The following EPRS1 variants were observed in gnomAD, a reference collection of about 807,000 sequenced individuals.
The protein encoded by EPRS1 is glutamyl-prolyl-tRNA synthetase 1, also known as bifunctional glutamate/proline--tRNA ligase.
Under a neutral mutation model 188.3 loss-of-function variants are expected in EPRS1, and 107 were observed. The observed-to-expected ratio is 0.57, with a 90% confidence interval of 0.49 to 0.67. EPRS1 has a LOEUF of 0.67. Ranked by LOEUF, EPRS1 falls within the 30% of genes least tolerant of loss-of-function variation. The pLI is 0.00. For synonymous variants in EPRS1, 596 were observed against 593.1 expected (o/e 1.00, Z -0.07); for missense variants, 1,577 against 1,802.2 (o/e 0.88, Z 2.26).
At position 220,046,489 on chromosome 1, in the gene EPRS1, A is replaced by C; in HGVS notation, c.-101T>G. 6.5e-7 allele frequency: 1 copy of C among 1,527,476 alleles called. No homozygotes were observed. The highest frequency in any genetic ancestry group is 8.8e-7 in the Non-Finnish European group (1 of 1,136,992). The allele number at this position is 1,527,476 out of a possible 1,614,324, so 94.6% of individuals were successfully genotyped here. ...AAGATGCAACGTGTGCGCGTACCCG[A>C]CGCCGCCGCAGCCTTCGCTCCGCCC... On this transcript the variant is annotated 5_prime_UTR_variant, in exon 1 of 32. Coordinates refer to ENST00000366923, the MANE Select transcript of EPRS1 (RefSeq NM_004446.3).
rs1442608777 is a variant in EPRS1, at chr1:219,984,277, A to C, written c.3039-20T>G. 1 of 1,592,346 alleles carries C rather than the reference A, an allele frequency of 6.3e-7. No homozygotes were observed. On this transcript the variant is annotated intron_variant, in intron 20 of 31. Coordinates refer to ENST00000366923, the MANE Select transcript of EPRS1 (RefSeq NM_004446.3). Reference sequence around the variant, plus strand: ...CCCAACCTGCAGATGTGAAAAGTAAAAGATAAATATCTTCATTCAGCAACT... The same window carrying C: ...CCCAACCTGCAGATGTGAAAAGTAACAGATAAATATCTTCATTCAGCAACT...
intron 18 of EPRS1, among the ~76,000 whole-genome samples, chr1:219,995,185 G>A (rs952937332): frequency 6.6e-6 from 1 of 152,112 alleles, no homozygotes. Flanking sequence ...AATTACCAAA[G>A]AAATTTAGAT....
intron 10 of EPRS1, among the ~76,000 whole-genome samples, chr1:220,019,601 C>G (rs912185282): frequency 1.3e-5 from 2 of 152,202 alleles, no homozygotes; most frequent in African/African-American, 4.8e-5. Context: ...TACATCTTCA[C>G]TTCGATTCAA....
chr1:220,044,136 A>C (rs1271327875), intron 1 of EPRS1, among the ~76,000 whole-genome samples: 3 of 152,206 alleles, frequency 2.0e-5, no homozygotes, highest in South Asian at 2.1e-4. Flanking sequence ...TGAAATTAAC[A>C]TTAAATATAT....
chr1:219,971,940 T>G, intron 30 of EPRS1, 129 bp downstream of exon 30: 1 of 410,208 alleles, frequency 2.4e-6, no homozygotes, highest in Non-Finnish European at 4.4e-6. Context: ...CATATAAATG[T>G]TGAGTAATGT....
At position 220,007,218 on chromosome 1, in the gene EPRS1, T is replaced by G. The variant is rs374062264; in HGVS notation, c.1726A>C (p.Ile576Leu). The G allele has an allele frequency of 2.6e-5, 42 of 1,612,170 alleles. No individual in the cohort carries two copies. Among genetic ancestry groups the G allele is most frequent in the Non-Finnish European group, 3.6e-5 (42 of 1,179,364 alleles). The change falls in exon 14 of 32, where the codon ATT (isoleucine) becomes CTT (leucine). Residue 576 changes from isoleucine to leucine, a missense_variant. Physicochemically the swap from Ile to Leu is conservative, Grantham distance 5 (BLOSUM62 2). Transcript: ENST00000366923. ...AGTTCTTACTTGTGTATTTTTGTAATGTTGAGGTTGCCCCAATTTATAAAT... is the reference window on the plus strand; with the variant it reads ...AGTTCTTACTTGTGTATTTTTGTAAGGTTGAGGTTGCCCCAATTTATAAAT... ...VTFINWGNLN[I>L]TKIHKNADGK...
intron 19 of EPRS1, 143 bp from the exon 20 acceptor site, chr1:219,987,547 T>C: frequency 1.5e-6 from 1 of 667,590 alleles, no homozygotes; most frequent in Non-Finnish European, 2.5e-6. Flanking sequence ...GTGATAAGGT[T>C]TGAGGGAGGC....
rs1479704566 is a variant in EPRS1, at chr1:219,981,431, C to T, written c.3400G>A (p.Val1134Ile). The change falls in exon 24 of 32, where the codon GTA (valine) becomes ATA (isoleucine). Residue 1134 changes from valine to isoleucine, a missense_variant. This residue lies in a region of EPRS1 where 1,278 missense variants were observed against 1,457.4 expected (regional missense o/e 0.88). Coordinates refer to ENST00000366923, the MANE Select transcript of EPRS1 (RefSeq NM_004446.3). ...ATGGGCAGGTCTCTGTGTGACTGTA[C>T]CCATTTTGCATATGCAGGATACATT... is the stretch of plus-strand genomic sequence containing the variant. Reference protein sequence around the residue: ...TVMYPAYAKWVQSHRDLPIKL... With the variant: ...TVMYPAYAKWIQSHRDLPIKL... 6.2e-7 allele frequency: 1 copy of T among 1,605,424 alleles called. No homozygotes were observed. Among genetic ancestry groups the T allele is most frequent in the South Asian group, 1.1e-5 (1 of 89,486 alleles).
chr1:220,013,403 T>A (rs1452067836), intron 12 of EPRS1, among the ~76,000 whole-genome samples: 1 of 152,224 alleles, frequency 6.6e-6, no homozygotes, highest in Non-Finnish European at 1.5e-5. Flanking sequence ...TTCCCCTTCA[T>A]CCATTTCTCC....
chr1:219,984,677 C>A (rs966145749), intron 20 of EPRS1, among the ~76,000 whole-genome samples: 2 of 152,170 alleles, frequency 1.3e-5, no homozygotes, highest in Non-Finnish European at 2.9e-5. Context: ...CCTGTTCTGG[C>A]CTCCCAGAGT....
In EPRS1 at chr1:220,010,822, A is replaced by AAAAG. The variant is rs1558054529; in HGVS notation, c.1605+120_1605+123dup. The stretch of plus-strand genomic sequence containing the variant: ...AGACTACGTCTCAAAAAAAAAAAAA[A>AAAAG]AAAGAAAGAAAGAAAGAAAATCATC... On this transcript the variant is annotated intron_variant, in intron 13 of 31. Transcript: ENST00000366923. 8.8e-4 allele frequency: 407 copies of AAAAG among 461,904 alleles called. 22 individuals carry two copies. The highest frequency in any genetic ancestry group is 2.8e-3 in the Middle Eastern group (6 of 2,180). 28.6% of individuals were successfully genotyped at this position (461,904 alleles called of 1,614,324 possible).
intron 12 of EPRS1, chr1:220,018,060 T>C (rs1288348975): frequency 2.2e-6 from 2 of 905,414 alleles, no homozygotes; most frequent in Admixed American, 2.6e-5. Flanking sequence ...CCATATAACA[T>C]CTCAGGTTTT....
chr1:219,982,832 T>C lies in EPRS1; in HGVS notation c.3313A>G (p.Thr1105Ala). The C allele has an allele frequency of 3.1e-6, 5 of 1,614,024 alleles. No homozygotes were observed. The highest frequency in any genetic ancestry group is 4.2e-6 in the Non-Finnish European group (5 of 1,179,890). ...ADFAPEVAWVTRSGKTELAEP... is the reference protein window; with the variant it reads ...ADFAPEVAWVARSGKTELAEP... ...GCCAGCTCGGTTTTGCCAGATCTTG[T>C]AACCCAAGCAACCTAGTAAGAAAAA... The change falls in exon 23 of 32, where the codon ACA becomes GCA. Residue 1105 changes from threonine (T) to alanine (A), a missense_variant. By Grantham distance (58) the Thr-to-Ala change is moderately conservative (BLOSUM62 0). This residue lies in a region of EPRS1 where 1,278 missense variants were observed against 1,457.4 expected (regional missense o/e 0.88). Transcript: ENST00000366923.
At chr1:220,016,899 A>C (rs1439972266) in intron 12 of EPRS1, among the ~76,000 whole-genome samples, 1 of 152,140 alleles carries the variant, frequency 6.6e-6, no homozygotes, top group Non-Finnish European at 1.5e-5. Context: ...AAAAAGTAGT[A>C]ACACATATAT....
At chr1:220,022,578 A>G (rs1215733316) in intron 8 of EPRS1, 60 bp from the exon 9 acceptor site, 15 of 1,313,734 alleles carry the variant, frequency 1.1e-5, no homozygotes, top group Non-Finnish European at 1.6e-5. Flanking sequence ...TTATTCTCAT[A>G]GTGCTATAAT....
At position 220,007,723 on chromosome 1, in the gene EPRS1, T is replaced by G. The variant is rs1661519013; in HGVS notation, c.1606-385A>C. Among the ~76,000 whole-genome samples the G allele has an allele frequency of 2.0e-5, 3 of 152,210 alleles. No homozygotes were observed. The South Asian group carries it at 6.2e-4, about 31-fold the overall frequency. On this transcript the variant is annotated intron_variant, in intron 13 of 31. Coordinates refer to ENST00000366923, the MANE Select transcript of EPRS1 (RefSeq NM_004446.3). ...TGATTTCACAGCTAAGACAGTATAC[T>G]TTATCATTTAGTATCTCTTCAACTA...
chr1:219,994,104 C>T (rs968442653), intron 18 of EPRS1, among the ~76,000 whole-genome samples: 3 of 152,114 alleles, frequency 2.0e-5, no homozygotes, highest in Admixed American at 6.5e-5. Flanking sequence ...TTCATCATAA[C>T]GTTTTAGAGA....
chr1:220,014,218 C>T (rs1661657981), intron 12 of EPRS1, among the ~76,000 whole-genome samples: 1 of 152,058 alleles, frequency 6.6e-6, no homozygotes, highest in African/African-American at 2.4e-5. Flanking sequence ...ATCCCAGCTA[C>T]TCGGGAGGCT....
chr1:219,984,670 G>A (rs1335265076), intron 20 of EPRS1, among the ~76,000 whole-genome samples: 1 of 152,104 alleles, frequency 6.6e-6, no homozygotes, highest in Admixed American at 6.5e-5. Context: ...CAATCCTCCT[G>A]TTCTGGCCTC....
Sources: allele counts gnomAD v4.1 joint callset (sites outside exome capture counted in the v4.1 genomes callset), GRCh38; gene constraint gnomAD v4.1.1; regional missense constraint gnomAD v4.1.1; transcripts MANE v1.5; gene names NCBI Gene and HGNC (gene_info 2026-07-23, HGNC 2026-07-21).